The following KCNMA1 variants were observed in gnomAD, a reference collection of about 807,000 sequenced individuals.
KCNMA1 encodes Calcium-activated potassium channel subunit alpha-1.
In KCNMA1, 29 loss-of-function variants were observed where a neutral mutation model predicts 140.0. The observed-to-expected ratio is 0.21, with a 90% confidence interval of 0.15 to 0.28. KCNMA1 has a LOEUF of 0.28. KCNMA1 is among the 10% of genes least tolerant of loss of function. KCNMA1 has a pLI of 1.00. For missense variants in KCNMA1, 880 were observed against 1,602.2 expected, an observed-to-expected ratio of 0.55 and a Z score of 7.70; for synonymous variants, 612 against 611.9, an observed-to-expected ratio of 1.00 and a Z score of 0.00.
chr10:77,526,774 G>A (rs938148450), intron 1 of KCNMA1, among the ~76,000 whole-genome samples: 4 of 151,858 alleles, frequency 2.6e-5, no homozygotes, highest in South Asian at 2.1e-4. Context: ...CTGCCTACTC[G>A]CTGAGATAGA....
intron 2 of KCNMA1, among the ~76,000 whole-genome samples, chr10:77,314,494 A>G (rs938892704): frequency 6.6e-6 from 1 of 152,208 alleles, no homozygotes; most frequent in Non-Finnish European, 1.5e-5. Context: ...TAGAATGTCA[A>G]TTGCGCCCCT....
At chr10:77,589,981 T>C (rs1279213982) in intron 1 of KCNMA1, among the ~76,000 whole-genome samples, 2 of 152,178 alleles carry the variant, frequency 1.3e-5, no homozygotes, top group African/African-American at 4.8e-5. Flanking sequence ...AGGGTGCTGA[T>C]TGGTGCGTTC....
chr10:77,259,713 C>T (rs945487233), intron 2 of KCNMA1, among the ~76,000 whole-genome samples: 1 of 152,216 alleles, frequency 6.6e-6, no homozygotes, highest in Non-Finnish European at 1.5e-5. Context: ...ATGGGATGCC[C>T]ATCCTTCAGA....
chr10:77,573,069 T>C (rs973752872), intron 1 of KCNMA1, among the ~76,000 whole-genome samples: 7 of 152,128 alleles, frequency 4.6e-5, no homozygotes, highest in African/African-American at 1.7e-4. Flanking sequence ...TTTTCAGAGT[T>C]TGGGGGACTT....
chr10:77,120,833 C>A (rs2097577953), intron 6 of KCNMA1, 140 bp downstream of exon 6: 6 of 665,264 alleles, frequency 9.0e-6, no homozygotes, highest in Non-Finnish European at 1.6e-5. Flanking sequence ...CTGGTTTTCT[C>A]TCCCTCTCTG....
At chr10:76,960,626 T>G (rs867064517) in intron 20 of KCNMA1, among the ~76,000 whole-genome samples, 6 of 140,872 alleles carry the variant, frequency 4.3e-5, no homozygotes, top group African/African-American at 5.1e-5. Context: ...TTGTTTTTTT[T>G]TTTTTTTTTT....
At chr10:77,111,100 G>A (rs751434734) in intron 7 of KCNMA1, among the ~76,000 whole-genome samples, 8 of 152,200 alleles carry the variant, frequency 5.3e-5, no homozygotes, top group Non-Finnish European at 8.8e-5. Context: ...GGCTGGATTT[G>A]GAGAGCTTTG....
At chr10:77,096,527 G>A (rs1039592388) in intron 9 of KCNMA1, among the ~76,000 whole-genome samples, 4 of 152,196 alleles carry the variant, frequency 2.6e-5, no homozygotes, top group Admixed American at 1.3e-4. Flanking sequence ...CTGCGAGGGC[G>A]GGGAGGCCTT....
chr10:76,903,987 A>G (rs189967695), intron 25 of KCNMA1: 1 of 152,342 alleles, frequency 6.6e-6, no homozygotes, highest in East Asian at 1.9e-4. Context: ...AGAGAAAGAG[A>G]GAGGATAAGT....
intron 1 of KCNMA1, among the ~76,000 whole-genome samples, chr10:77,503,660 G>A (rs745315423): frequency 3.9e-5 from 6 of 152,174 alleles, no homozygotes; most frequent in Non-Finnish European, 7.3e-5. Flanking sequence ...CAGAGCAGGC[G>A]TACATACTAA....
chr10:77,488,771 T>C (rs988469008), intron 1 of KCNMA1, among the ~76,000 whole-genome samples: 1 of 152,154 alleles, frequency 6.6e-6, no homozygotes, highest in Admixed American at 6.5e-5. Flanking sequence ...TGGAAACCAG[T>C]AGAAGTGCAG....
chr10:77,527,547 G>A (rs907093913), intron 1 of KCNMA1, among the ~76,000 whole-genome samples: 1 of 152,166 alleles, frequency 6.6e-6, no homozygotes, highest in Non-Finnish European at 1.5e-5. Context: ...GTCCAGGCCA[G>A]GAGGTCCCAT....
chr10:77,181,524 GA>G (rs1449702358), intron 5 of KCNMA1, among the ~76,000 whole-genome samples: 6 of 152,270 alleles, frequency 3.9e-5, no homozygotes, highest in Middle Eastern at 3.4e-3. Flanking sequence ...TGAGCTAAAA[GA>G]TTCTTCGAAG....
chr10:76,952,077 A>G lies in KCNMA1; in HGVS notation c.2484+1724T>C, dbSNP rs1217891724. On this transcript the variant is annotated intron_variant, in intron 21 of 27. Coordinates refer to ENST00000286628, the MANE Select transcript of KCNMA1 (RefSeq NM_001161352.2). ...TATGCTGGCAGGAGATGTTGATTGAATATCAGTTGGCATGCATACTACACC... is the reference window on the plus strand; with the variant it reads ...TATGCTGGCAGGAGATGTTGATTGAGTATCAGTTGGCATGCATACTACACC... 6 of 1,552,204 alleles carry G rather than the reference A, an allele frequency of 3.9e-6. No individual in the cohort carries two copies. In the African/African-American group the frequency reaches 6.8e-5, roughly 18 times the overall value.
intron 1 of KCNMA1, among the ~76,000 whole-genome samples, chr10:77,512,589 G>C (rs1009718297): frequency 6.6e-6 from 1 of 152,162 alleles, no homozygotes; most frequent in African/African-American, 2.4e-5. Context: ...CTAAAGATAA[G>C]GGCATCTACT....
intron 2 of KCNMA1, among the ~76,000 whole-genome samples, chr10:77,296,275 G>A (rs2075082266): frequency 6.6e-6 from 1 of 152,134 alleles, no homozygotes; most frequent in African/African-American, 2.4e-5. Flanking sequence ...TGTGAGGAAG[G>A]GGCCATGGAC....
intron 1 of KCNMA1, among the ~76,000 whole-genome samples, chr10:77,619,218 T>C (rs1283285521): frequency 3.3e-5 from 5 of 152,178 alleles, no homozygotes; most frequent in Admixed American, 6.5e-5. Flanking sequence ...GGTGGGTTCA[T>C]CTCCAATCTA....
At chr10:77,196,114 A>G (rs1485541295) in intron 3 of KCNMA1, among the ~76,000 whole-genome samples, 1 of 151,920 alleles carries the variant, frequency 6.6e-6, no homozygotes, top group Admixed American at 6.6e-5. Context: ...TTATTGTCCT[A>G]TCTTTGAACT....
chr10:77,280,146 C>A (rs1317276468), intron 2 of KCNMA1, among the ~76,000 whole-genome samples: 1 of 152,128 alleles, frequency 6.6e-6, no homozygotes, highest in African/African-American at 2.4e-5. Context: ...GTGTGCTTAT[C>A]TTGAAATCTC....
Sources: allele counts gnomAD v4.1 joint callset (sites outside exome capture counted in the v4.1 genomes callset), GRCh38; gene constraint gnomAD v4.1.1; transcripts MANE v1.5; gene names NCBI Gene and HGNC (gene_info 2026-07-23, HGNC 2026-07-21).